ENAH: variants seen among roughly 807,000 people sequenced by gnomAD.
ENAH encodes the protein protein enabled homolog.
ENAH carries 23 observed loss-of-function variants against 78.7 expected under a neutral mutation model. The ratio of observed to expected loss-of-function variants is 0.29; its 90% confidence interval spans 0.21 to 0.41. The LOEUF (loss-of-function observed/expected upper bound fraction) is 0.41. Ranked by LOEUF, ENAH falls within the 10% of genes least tolerant of loss-of-function variation. The pLI, the probability that ENAH is intolerant of heterozygous loss-of-function variation, is 1.00. For missense variants in ENAH, 544 were observed against 691.0 expected, an observed-to-expected ratio of 0.79 and a Z score of 2.39; for synonymous variants, 226 against 241.0, an observed-to-expected ratio of 0.94 and a Z score of 0.58.
intron 1 of ENAH, among the ~76,000 whole-genome samples, chr1:225,610,244 T>G (rs2148115745): frequency 6.6e-6 from 1 of 152,154 alleles, no homozygotes; most frequent in East Asian, 1.9e-4. Flanking sequence ...GACATTATTT[T>G]GATTTTCTTA....
chr1:225,567,823 T>C (rs1467657162), intron 1 of ENAH, among the ~76,000 whole-genome samples: 3 of 152,184 alleles, frequency 2.0e-5, no homozygotes, highest in Non-Finnish European at 2.9e-5. Context: ...AAATTAATCA[T>C]TATTTGCTTA....
At chr1:225,525,443 G>GAA (rs1221278728) in intron 4 of ENAH, among the ~76,000 whole-genome samples, 1 of 151,958 alleles carries the variant, frequency 6.6e-6, no homozygotes, top group African/African-American at 2.4e-5. Flanking sequence ...CTCTCCATTA[G>GAA]AACTGTAATC....
In ENAH at chr1:225,503,668, A is replaced by AAAAC. The variant is rs202120410; in HGVS notation, c.1539-2599_1539-2598insGTTT. On this transcript the variant is annotated intron_variant, in intron 11 of 13. Transcript: ENST00000366843. ...CAAAACAAACCACCTCAAAAAAAAA[A>AAAAC]AAAAAAAAAACACAAAACTATTTCA... Among the ~76,000 whole-genome samples, 217 of 150,076 alleles carry AAAAC rather than the reference A, an allele frequency of 1.4e-3. 6 individuals are homozygous for AAAAC. The East Asian group carries it at 0.039, about 27-fold the overall frequency.
intron 4 of ENAH, among the ~76,000 whole-genome samples, chr1:225,525,138 G>A (rs766106945): frequency 6.6e-6 from 1 of 152,114 alleles, no homozygotes; most frequent in Non-Finnish European, 1.5e-5. Context: ...TCTAAATACA[G>A]TAATTCATTT....
chr1:225,570,404 G>A (rs1167008478), intron 1 of ENAH, among the ~76,000 whole-genome samples: 1 of 151,126 alleles, frequency 6.6e-6, no homozygotes, highest in Non-Finnish European at 1.5e-5. Context: ...TTTTTCCAGT[G>A]TTTTTCAGTA....
chr1:225,519,551 T>C lies in ENAH; in HGVS notation c.449A>G (p.Gln150Arg). The change falls in exon 5 of 14, where the codon CAG becomes CGG. Residue 150 changes from glutamine to arginine, a missense_variant. By Grantham distance (43) the Gln-to-Arg change is conservative (BLOSUM62 1). Coordinates refer to ENST00000366843, the MANE Select transcript of ENAH (RefSeq NM_018212.6). ...LEIQRRQLQE[Q>R]QRQKELERER... Reference sequence around the variant, plus strand: ...CCGCTCCAGCTCCTTTTGCCGTTGCTGTTCTTGTAGTTGTCTGGAAAAAAA... The same window carrying C: ...CCGCTCCAGCTCCTTTTGCCGTTGCCGTTCTTGTAGTTGTCTGGAAAAAAA... 1.1e-5 allele frequency: 17 copies of C among 1,610,210 alleles called. No individual in the cohort carries two copies. Among genetic ancestry groups the C allele is most frequent in the Non-Finnish European group, 1.4e-5 (17 of 1,179,378 alleles).
In ENAH at chr1:225,585,215, CAAAAAAAAAAAAAAAA is replaced by C. The variant is rs58586397; in HGVS notation, c.6-17817_6-17802del. Among the ~76,000 whole-genome samples, 434 of 49,950 alleles carry C rather than the reference CAAAAAAAAAAAAAAAA, an allele frequency of 8.7e-3. 5 individuals carry two copies. Among genetic ancestry groups the C allele is most frequent in the African/African-American group, 0.032 (393 of 12,218 alleles). 32.8% of individuals were successfully genotyped at this position (49,950 alleles called of 152,430 possible). On this transcript the variant is annotated intron_variant, in intron 1 of 13. Transcript: ENST00000366843. ...TGGGCGACGGAGTGATACCCTGTCTCAAAAAAAAAAAAAAAAAAAAAAAAAAAAAAAACAGAGAAAG... is the reference window on the plus strand; with the variant it reads ...TGGGCGACGGAGTGATACCCTGTCTCAAAAAAAAAAAAAAAACAGAGAAAG...
chr1:225,614,479 G>A (rs767837444), intron 1 of ENAH, among the ~76,000 whole-genome samples: 8 of 152,174 alleles, frequency 5.3e-5, no homozygotes, highest in Non-Finnish European at 7.4e-5. Context: ...ACCCCCAATC[G>A]CTGCACTTGG....
intron 3 of ENAH, among the ~76,000 whole-genome samples, chr1:225,553,144 G>T (rs1448473065): frequency 6.6e-6 from 1 of 152,146 alleles, no homozygotes; most frequent in Non-Finnish European, 1.5e-5. Flanking sequence ...TAAGGAGGGA[G>T]AATCACTCGA....
intron 1 of ENAH, among the ~76,000 whole-genome samples, chr1:225,591,249 A>G (rs1235973238): frequency 6.6e-6 from 1 of 152,160 alleles, no homozygotes; most frequent in African/African-American, 2.4e-5. Context: ...CAGGGGGATC[A>G]TCTGAGGTCA....
In ENAH at chr1:225,494,063, G is replaced by GAAAAAAAA. The variant is rs1558690594; in HGVS notation, c.*3711_*3712insTTTTTTTT. ...AAGCAAGAACATGAGACAGGCTAGA[G>GAAAAAAAA]CAAAAAAAAAAAAAAAAAAACAGCT... On this transcript the variant is annotated 3_prime_UTR_variant, in exon 14 of 14. Coordinates refer to ENST00000366843, the MANE Select transcript of ENAH (RefSeq NM_018212.6). 1 of 2,404 alleles carries GAAAAAAAA rather than the reference G, an allele frequency of 4.2e-4. No individual in the cohort carries two copies. Among genetic ancestry groups the GAAAAAAAA allele is most frequent in the Non-Finnish European group, 1.3e-3 (1 of 760 alleles). The allele number at this position is 2,404 out of a possible 1,614,324, so 0.1% of individuals were successfully genotyped here. A position where few individuals can be genotyped will look rare whatever the true frequency, so the allele number is the denominator to read the frequency against.
chr1:225,519,650 T>G, intron 4 of ENAH, 85 bp from the exon 5 acceptor site: 1 of 1,522,966 alleles, frequency 6.6e-7, no homozygotes, highest in East Asian at 2.2e-5. Flanking sequence ...TGTAAACTAT[T>G]TCTGAGTCAA....
chr1:225,556,251 CAT>C (rs888430341), intron 2 of ENAH, among the ~76,000 whole-genome samples: 22 of 152,294 alleles, frequency 1.4e-4, no homozygotes, highest in African/African-American at 5.3e-4. Context: ...TATCACAGGA[CAT>C]GTGTATGTTC....
At chr1:225,600,259 C>T (rs377549537) in intron 1 of ENAH, among the ~76,000 whole-genome samples, 203 of 152,012 alleles carry the variant, frequency 1.3e-3, no homozygotes, top group Non-Finnish European at 2.5e-3. Flanking sequence ...GACCGCTATT[C>T]GGGAGACGGA....
chr1:225,535,822 GT>G (rs2096558971), intron 3 of ENAH, among the ~76,000 whole-genome samples: 1 of 151,900 alleles, frequency 6.6e-6, no homozygotes, highest in Non-Finnish European at 1.5e-5. Context: ...TTATAACTTA[GT>G]TATTTCCTAA....
chr1:225,626,887 T>C (rs1658041062), intron 1 of ENAH, among the ~76,000 whole-genome samples: 2 of 152,234 alleles, frequency 1.3e-5, no homozygotes, highest in South Asian at 2.1e-4. Flanking sequence ...TGTATCACCA[T>C]GCAATACAGT....
At chr1:225,504,167 C>T (rs2096307338) in intron 11 of ENAH, among the ~76,000 whole-genome samples, 1 of 151,356 alleles carries the variant, frequency 6.6e-6, no homozygotes, top group Admixed American at 6.6e-5. Context: ...CCACCAGGCC[C>T]AGCTAATTTT....
At position 225,490,356 on chromosome 1, in the gene ENAH, T is replaced by G. The variant is rs2096216703; in HGVS notation, c.*7419A>C. 1 of 152,224 alleles carries G rather than the reference T, an allele frequency of 6.6e-6. No individual in the cohort carries two copies. Among genetic ancestry groups the G allele is most frequent in the Non-Finnish European group, 1.5e-5 (1 of 68,050 alleles). The allele number at this position is 152,224 out of a possible 1,614,324, so 9.4% of individuals were successfully genotyped here. On this transcript the variant is annotated 3_prime_UTR_variant, in exon 14 of 14. Transcript: ENST00000366843. ...TGAAGGCCGAGGCGGGCAGATCACC[T>G]GAGCTCAGGAGTTCAAGACCAGCCT... is the stretch of plus-strand genomic sequence containing the variant.
At chr1:225,535,883 A>C (rs1195767640) in intron 3 of ENAH, among the ~76,000 whole-genome samples, 2 of 152,108 alleles carry the variant, frequency 1.3e-5, no homozygotes, top group Non-Finnish European at 2.9e-5. Flanking sequence ...TATATTTTTA[A>C]AGTCAATGAA....
Sources: gnomAD v4.1 joint callset for allele counts (sites outside exome capture counted in the v4.1 genomes callset) on GRCh38, gnomAD v4.1.1 for gene constraint, MANE v1.5 for transcripts, NCBI Gene and HGNC (gene_info 2026-07-23, HGNC 2026-07-21) for gene names.